COL25A1: variants seen among roughly 807,000 people sequenced by gnomAD.
COL25A1 encodes collagen alpha-1(XXV) chain.
COL25A1 carries 103 observed loss-of-function variants against 128.4 expected under a neutral mutation model. That is an observed-to-expected ratio of 0.80 (90% CI 0.68 to 0.94). The LOEUF (loss-of-function observed/expected upper bound fraction) is 0.94, where lower values mean the gene tolerates loss of function less well. COL25A1 is among the 40% of genes least tolerant of loss of function. The pLI is 0.00. For missense variants in COL25A1, 745 were observed against 840.0 expected (o/e 0.89, Z 1.40); for synonymous variants, 279 against 277.2 (o/e 1.01, Z -0.06).
intron 3 of COL25A1, among the ~76,000 whole-genome samples, chr4:109,272,051 C>G (rs369195949): frequency 1.8e-3 from 273 of 152,012 alleles, no homozygotes; most frequent in Non-Finnish European, 3.5e-3. Flanking sequence ...CCAGCCTGGG[C>G]AACATGAAAC....
At chr4:108,971,335 G>A (rs748248859) in intron 8 of COL25A1, among the ~76,000 whole-genome samples, 1 of 152,160 alleles carries the variant, frequency 6.6e-6, no homozygotes, top group Non-Finnish European at 1.5e-5. Flanking sequence ...AGACAGAGAA[G>A]AACCTTGCTT....
In COL25A1 at chr4:109,301,755, C is replaced by T; in HGVS notation, c.265G>A (p.Val89Met). Residue 89 changes from valine to methionine, a missense_variant, in exon 2 of 38, where the codon GTG becomes ATG. Transcript: ENST00000399132. ...AGAAGTCGCTCCACTTTCTCTTGCA[C>T]CATAGTCTTGAGGTGATCCAGGGTA... Reference protein sequence around the residue: ...PDTLDHLKTMVQEKVERLLAQ... With the variant: ...PDTLDHLKTMMQEKVERLLAQ... 1 of 1,614,192 alleles carries T rather than the reference C, an allele frequency of 6.2e-7. No homozygotes were observed. Among genetic ancestry groups the T allele is most frequent in the Non-Finnish European group, 8.5e-7 (1 of 1,180,018 alleles).
intron 19 of COL25A1, among the ~76,000 whole-genome samples, chr4:108,878,461 G>T (rs571257715): frequency 1.3e-5 from 2 of 152,248 alleles, no homozygotes; most frequent in South Asian, 4.1e-4. Context: ...CTTGCTTAAA[G>T]GCTAATTAGA....
rs1010959634 is a variant in COL25A1, at chr4:108,974,573, A to C, written c.439-14T>G. 2 of 1,591,362 alleles carry C rather than the reference A, an allele frequency of 1.3e-6. No individual in the cohort carries two copies. Among genetic ancestry groups the C allele is most frequent in the African/African-American group, 2.7e-5 (2 of 73,612 alleles). ...ACCAGGAGGGCCCTGAAAAAAAGAA[A>C]GAGAAAAAAAATTTTAATTAAAAAA... On this transcript the variant is annotated splice_polypyrimidine_tract_variant and intron_variant, in intron 6 of 37. Coordinates refer to ENST00000399132, the MANE Select transcript of COL25A1 (RefSeq NM_198721.4).
intron 3 of COL25A1, among the ~76,000 whole-genome samples, chr4:109,065,563 T>C (rs1277964996): frequency 6.6e-6 from 1 of 151,570 alleles, no homozygotes; most frequent in Admixed American, 6.6e-5. Context: ...TGTGTGTGTG[T>C]GTGTGTGTGT....
At chr4:108,931,156 C>T (rs562072760) in intron 11 of COL25A1, among the ~76,000 whole-genome samples, 1 of 152,234 alleles carries the variant, frequency 6.6e-6, no homozygotes, top group African/African-American at 2.4e-5. Context: ...CAAAACTTAG[C>T]ATATGACTGT....
At chr4:109,004,894 A>T (rs1755815685) in intron 6 of COL25A1, among the ~76,000 whole-genome samples, 1 of 152,190 alleles carries the variant, frequency 6.6e-6, no homozygotes, top group African/African-American at 2.4e-5. Context: ...AACAAAGAGA[A>T]TGTTCAGCCT....
rs747321935 is a variant in COL25A1, at chr4:108,927,306, A to G, written c.709-6702T>C. 5.6e-4 allele frequency among the ~76,000 whole-genome samples: 86 copies of G among 152,324 alleles called. 1 individual carries two copies. Among genetic ancestry groups the G allele is most frequent in the Middle Eastern group, 6.8e-3 (2 of 294 alleles). ...TATTTTAAAAATCCACTTGACTAAA[A>G]ATCCACTTCCTCAGGCCATATATTT... On this transcript the variant is annotated intron_variant, in intron 11 of 37. Coordinates refer to ENST00000399132, the MANE Select transcript of COL25A1 (RefSeq NM_198721.4).
Position 108,980,413 on chromosome 4 carries a change from A to G in COL25A1, c.439-5854T>C, listed in dbSNP as rs1004334441. On this transcript the variant is annotated intron_variant, in intron 6 of 37. Coordinates refer to ENST00000399132, the MANE Select transcript of COL25A1 (RefSeq NM_198721.4). ...ACAAGTCCTACTTATTTCAAGGTTCACAATTTAGTGTATTTGCAGACAAGC... is the reference window on the plus strand; with the variant it reads ...ACAAGTCCTACTTATTTCAAGGTTCGCAATTTAGTGTATTTGCAGACAAGC... Among the ~76,000 whole-genome samples the G allele has an allele frequency of 2.6e-5, 4 of 152,342 alleles. No homozygotes were observed. In the East Asian group the frequency reaches 5.8e-4, roughly 22 times the overall value.
chr4:109,182,219 T>C (rs1184018432), intron 3 of COL25A1, among the ~76,000 whole-genome samples: 2 of 152,122 alleles, frequency 1.3e-5, no homozygotes, highest in African/African-American at 4.8e-5. Flanking sequence ...CACTCAGCAG[T>C]GGGATTGCTG....
intron 3 of COL25A1, among the ~76,000 whole-genome samples, chr4:109,199,756 G>A (rs1776405444): frequency 6.6e-6 from 1 of 152,116 alleles, no homozygotes; most frequent in Non-Finnish European, 1.5e-5. Context: ...ACTTCATTTG[G>A]TCAACGAAGT....
At chr4:109,027,787 A>G (rs1390070872) in intron 5 of COL25A1, among the ~76,000 whole-genome samples, 1 of 152,048 alleles carries the variant, frequency 6.6e-6, no homozygotes, top group African/African-American at 2.4e-5. Flanking sequence ...GGTTGACCAG[A>G]GCAATTAGAG....
At chr4:109,135,699 C>A (rs1051818769) in intron 3 of COL25A1, among the ~76,000 whole-genome samples, 1 of 152,052 alleles carries the variant, frequency 6.6e-6, no homozygotes, top group African/African-American at 2.4e-5. Flanking sequence ...ATCTGCCACA[C>A]ACATCTACTT....
chr4:109,292,162 A>AAG (rs10689099), intron 3 of COL25A1, among the ~76,000 whole-genome samples: 21,628 of 151,938 alleles, frequency 0.14, 1,705 homozygotes, highest in East Asian at 0.3. Context: ...AGCAGAAAGA[A>AAG]AGCATGGAGG....
chr4:109,224,045 A>C (rs529282429), intron 3 of COL25A1, among the ~76,000 whole-genome samples: 1 of 152,360 alleles, frequency 6.6e-6, no homozygotes, highest in East Asian at 1.9e-4. Flanking sequence ...ATATGCTCTG[A>C]ACTCCTGTCT....
intron 3 of COL25A1, among the ~76,000 whole-genome samples, chr4:109,066,953 G>A (rs1560627762): frequency 6.6e-6 from 1 of 152,122 alleles, no homozygotes; most frequent in Non-Finnish European, 1.5e-5. Flanking sequence ...TTACAGGTGT[G>A]AGCCACTACA....
chr4:108,942,122 G>A lies in COL25A1; in HGVS notation c.493-685C>T, dbSNP rs532901338. The A allele has an allele frequency of 6.7e-4, 905 of 1,355,914 alleles. 3 individuals carry two copies. Among genetic ancestry groups the A allele is most frequent in the Middle Eastern group, 2.2e-3 (12 of 5,356 alleles). 84.0% of individuals were successfully genotyped at this position (1,355,914 alleles called of 1,614,324 possible). On this transcript the variant is annotated intron_variant, in intron 8 of 37. Coordinates refer to ENST00000399132, the MANE Select transcript of COL25A1 (RefSeq NM_198721.4). ...ATATATACCATGAGAGGAAGCCAAC[G>A]GGCTCGGCAAGCCAATTGAATGGTT... is the stretch of plus-strand genomic sequence containing the variant.
chr4:109,045,353 A>G (rs1255753213), intron 5 of COL25A1, among the ~76,000 whole-genome samples: 1 of 152,100 alleles, frequency 6.6e-6, no homozygotes, highest in Admixed American at 6.6e-5. Context: ...CTGTACATAA[A>G]ATTAAGGTGA....
chr4:108,846,093 A>C, intron 28 of COL25A1, 46 bp downstream of exon 28: 1 of 1,213,938 alleles, frequency 8.2e-7, no homozygotes. Context: ...TATCTTAATA[A>C]GAACATAATA....
Sources: allele counts gnomAD v4.1 joint callset (sites outside exome capture counted in the v4.1 genomes callset), GRCh38; gene constraint gnomAD v4.1.1; transcripts MANE v1.5; gene names NCBI Gene and HGNC (gene_info 2026-07-23, HGNC 2026-07-21).